The following APBB1IP variants were observed in gnomAD, a reference collection of about 807,000 sequenced individuals.
The protein encoded by APBB1IP is amyloid beta precursor protein binding family B member 1 interacting protein.
APBB1IP carries 27 observed loss-of-function variants against 64.9 expected under a neutral mutation model. The observed-to-expected ratio is 0.42, with a 90% CI of 0.31 to 0.57. The LOEUF (loss-of-function observed/expected upper bound fraction) is 0.57, where lower values mean the gene tolerates loss of function less well. Among genes scored for constraint, APBB1IP ranks in the 20% least tolerant of loss-of-function variants. The probability of loss-of-function intolerance (pLI) is 0.20; values close to 1 mark genes in which losing one functional copy is unlikely to be tolerated. For synonymous variants in APBB1IP, 392 were observed against 331.0 expected (o/e 1.18, Z -2.00); for missense variants, 812 against 845.5 (o/e 0.96, Z 0.49).
At chr10:26,459,675 G>A (rs544305633) in intron 2 of APBB1IP, among the ~76,000 whole-genome samples, 2 of 152,194 alleles carry the variant, frequency 1.3e-5, no homozygotes, top group South Asian at 2.1e-4. Flanking sequence ...TTCCTCAGCT[G>A]TTAAGGAAAA....
At chr10:26,552,458 G>A (rs187406522) in intron 11 of APBB1IP, among the ~76,000 whole-genome samples, 1 of 151,998 alleles carries the variant, frequency 6.6e-6, no homozygotes, top group African/African-American at 2.4e-5. Context: ...AATCAGCCTG[G>A]TGTGGTGGTG....
chr10:26,559,623 T>TTTC (rs1836941454), intron 11 of APBB1IP, among the ~76,000 whole-genome samples: 1 of 107,928 alleles, frequency 9.3e-6, no homozygotes, highest in Non-Finnish European at 1.9e-5. Context: ...TCTTTCTTTC[T>TTTC]TTTTTTTTTT....
At chr10:26,492,653 C>T (rs183766929) in intron 3 of APBB1IP, among the ~76,000 whole-genome samples, 26 of 152,166 alleles carry the variant, frequency 1.7e-4, no homozygotes, top group African/African-American at 6.0e-4. Flanking sequence ...TTCCATGATA[C>T]CCCCAAGCCA....
chr10:26,549,024 C>A (rs922163370), intron 11 of APBB1IP, among the ~76,000 whole-genome samples: 5 of 152,040 alleles, frequency 3.3e-5, no homozygotes, highest in Non-Finnish European at 5.9e-5. Context: ...TCTTCTATAC[C>A]TAATTTGTTG....
intron 8 of APBB1IP, among the ~76,000 whole-genome samples, chr10:26,515,049 T>TTTC (rs1465153700): frequency 2.0e-5 from 3 of 149,742 alleles, no homozygotes; most frequent in African/African-American, 7.4e-5. Context: ...TTTTTTTTTT[T>TTTC]TTTTTTGTAT....
chr10:26,444,718 G>A (rs1348834197), intron 2 of APBB1IP, among the ~76,000 whole-genome samples: 1 of 152,166 alleles, frequency 6.6e-6, no homozygotes, highest in Non-Finnish European at 1.5e-5. Flanking sequence ...GTAACCATTT[G>A]GGAAGATACT....
At chr10:26,548,853 G>A (rs1836798250) in intron 11 of APBB1IP, among the ~76,000 whole-genome samples, 1 of 151,992 alleles carries the variant, frequency 6.6e-6, no homozygotes, top group African/African-American at 2.4e-5. Flanking sequence ...TGCCTAGTTG[G>A]TCTCGCTAAG....
Position 26,567,183 on chromosome 10 carries a change from C to T in APBB1IP, c.1696C>T (p.Pro566Ser). The change falls in exon 15 of 15, where the codon CCT becomes TCT. Residue 566 changes from proline to serine, a missense_variant. Around this residue, in one of 3 missense-constraint regions of APBB1IP, gnomAD observed 381 missense variants for 352.1 expected, o/e 1.08. Transcript: ENST00000376236. Reference protein sequence around the residue: ...PPPPPPPLDDPELPPPPPDFM... With the variant: ...PPPPPPPLDDSELPPPPPDFM... ...GCCACCGCCGCCGCCCCTCGATGAC[C>T]CTGAGCTCCCGCCGCCGCCCCCGGA... 7.1e-7 allele frequency: 1 copy of T among 1,412,680 alleles called. No homozygotes were observed. Among genetic ancestry groups the T allele is most frequent in the Non-Finnish European group, 9.2e-7 (1 of 1,088,186 alleles). The allele number at this position is 1,412,680 out of a possible 1,614,324, so 87.5% of individuals were successfully genotyped here.
chr10:26,485,427 G>C (rs1387877187), intron 2 of APBB1IP, among the ~76,000 whole-genome samples: 1 of 152,192 alleles, frequency 6.6e-6, no homozygotes, highest in Admixed American at 6.5e-5. Context: ...CTTCTCATTA[G>C]TCTGGGAAGC....
chr10:26,544,592 AGGAGCCAAACCCCAGGGCT>A (rs1836737394), intron 11 of APBB1IP, among the ~76,000 whole-genome samples: 1 of 152,190 alleles, frequency 6.6e-6, no homozygotes, highest in South Asian at 2.1e-4. Flanking sequence ...AGAAGGAAGC[AGGAGCCAAACCCCAGGGCT>A]GGGGTCCAGA....
At chr10:26,523,480 T>C (rs1040407324) in intron 8 of APBB1IP, among the ~76,000 whole-genome samples, 1 of 152,234 alleles carries the variant, frequency 6.6e-6, no homozygotes, top group Non-Finnish European at 1.5e-5. Flanking sequence ...AGTAAGATTC[T>C]GTGTGGGTGC....
chr10:26,506,253 G>GC (rs1448147246), intron 6 of APBB1IP, among the ~76,000 whole-genome samples: 2 of 131,802 alleles, frequency 1.5e-5, no homozygotes, highest in African/African-American at 3.0e-5. Flanking sequence ...GTGTGTGTGG[G>GC]GGGGGGGGGT....
intron 2 of APBB1IP, among the ~76,000 whole-genome samples, chr10:26,470,427 T>C (rs2132413890): frequency 6.6e-6 from 1 of 152,138 alleles, no homozygotes; most frequent in Middle Eastern, 3.4e-3. Flanking sequence ...TAATCCCAGC[T>C]ACTAGGGAGG....
chr10:26,558,684 G>A (rs1836925875), intron 11 of APBB1IP, among the ~76,000 whole-genome samples: 1 of 152,052 alleles, frequency 6.6e-6, no homozygotes, highest in Non-Finnish European at 1.5e-5. Context: ...GGCTGAGGTG[G>A]AAGGATTGCG....
chr10:26,560,246 C>T (rs1461774732), intron 12 of APBB1IP, 43 bp downstream of exon 12: 4 of 1,568,892 alleles, frequency 2.5e-6, no homozygotes, highest in Non-Finnish European at 3.5e-6. Flanking sequence ...AACTTGCCAG[C>T]CAACTTCCTG....
At chr10:26,469,557 G>C (rs1835692109) in intron 2 of APBB1IP, among the ~76,000 whole-genome samples, 1 of 151,764 alleles carries the variant, frequency 6.6e-6, no homozygotes, top group Non-Finnish European at 1.5e-5. Context: ...GCCAATATAA[G>C]CATTTTCTAT....
At chr10:26,504,308 C>T (rs968570528) in intron 6 of APBB1IP, among the ~76,000 whole-genome samples, 16 of 152,278 alleles carry the variant, frequency 1.1e-4, no homozygotes, top group African/African-American at 3.9e-4. Context: ...GTTGATCATG[C>T]ATTTTTTCAG....
chr10:26,551,357 G>A (rs1007394377), intron 11 of APBB1IP, among the ~76,000 whole-genome samples: 2 of 152,160 alleles, frequency 1.3e-5, no homozygotes, highest in Admixed American at 1.3e-4. Flanking sequence ...TGTGGGTACC[G>A]CAGTGGCTCA....
At chr10:26,530,159 G>A (rs1225106051) in intron 8 of APBB1IP, among the ~76,000 whole-genome samples, 1 of 151,818 alleles carries the variant, frequency 6.6e-6, no homozygotes, top group Non-Finnish European at 1.5e-5. Context: ...ACCCTTCTGT[G>A]GTATTAAGTA....
Sources: allele counts gnomAD v4.1 joint callset (sites outside exome capture counted in the v4.1 genomes callset), GRCh38; gene constraint gnomAD v4.1.1; regional missense constraint gnomAD v4.1.1; transcripts MANE v1.5; gene names NCBI Gene and HGNC (gene_info 2026-07-23, HGNC 2026-07-21).